The following NDUFB6 variants were observed in gnomAD, a reference collection of about 807,000 sequenced individuals.
NDUFB6 encodes NADH:ubiquinone oxidoreductase subunit B6, also known as NADH dehydrogenase [ubiquinone] 1 beta subcomplex subunit 6.
In NDUFB6, 23 loss-of-function variants were observed where a neutral mutation model predicts 17.5. The observed-to-expected ratio is 1.31, with a 90% CI of 0.94 to 1.86. NDUFB6 has a LOEUF of 1.86. Among genes scored for constraint, NDUFB6 ranks in the 40% most tolerant of loss-of-function variants. The pLI is 0.00. For synonymous variants in NDUFB6, 60 were observed against 53.5 expected (o/e 1.12, Z -0.53); for missense variants, 167 against 153.8 (o/e 1.09, Z -0.46).
At chr9:32,562,596 AAAT>A (rs1821657149) in intron 2 of NDUFB6, among the ~76,000 whole-genome samples, 1 of 152,220 alleles carries the variant, frequency 6.6e-6, no homozygotes. Context: ...GCAAGAATGA[AAAT>A]AATTTTTTCC....
chr9:32,553,507 C>A lies in NDUFB6; in HGVS notation c.*369G>T, dbSNP rs185926174. ...CCTGGCCGGAAAGATTTCCTTAAAACAAAAGTGCATGGAATTGCTGTTCTT... is the reference window on the plus strand; with the variant it reads ...CCTGGCCGGAAAGATTTCCTTAAAAAAAAAGTGCATGGAATTGCTGTTCTT... On this transcript the variant is annotated 3_prime_UTR_variant, in exon 4 of 4. Coordinates refer to ENST00000379847, the MANE Select transcript of NDUFB6 (RefSeq NM_002493.5). 4.4e-3 allele frequency: 917 copies of A among 206,166 alleles called. 3 individuals carry two copies. The highest frequency in any genetic ancestry group is 0.019 in the African/African-American group (809 of 42,148). The allele number at this position is 206,166 out of a possible 1,614,324, so 12.8% of individuals were successfully genotyped here.
In NDUFB6 at chr9:32,560,409, GTAGTTAAATT is replaced by G. The variant is rs1425441976; in HGVS notation, c.274-1465_274-1456del. ...AATGTCTTTTCGATCCCAGAAAAAT[GTAGTTAAATT>G]TAGATATGATAAAGTAAGTTAAACC... is the stretch of plus-strand genomic sequence containing the variant. On this transcript the variant is annotated intron_variant, in intron 2 of 3. Coordinates refer to ENST00000379847, the MANE Select transcript of NDUFB6 (RefSeq NM_002493.5). Among the ~76,000 whole-genome samples the G allele has an allele frequency of 3.3e-5, 5 of 152,270 alleles. No individual in the cohort carries two copies. The East Asian group carries it at 9.6e-4, about 29-fold the overall frequency.
At chr9:32,566,416 C>T in intron 2 of NDUFB6, 2 of 876,164 alleles carry the variant, frequency 2.3e-6, no homozygotes, top group Middle Eastern at 2.2e-4. Context: ...GAGGAGCCTG[C>T]TCTCCCTGTT....
chr9:32,566,682 C>G, intron 2 of NDUFB6: 1 of 821,356 alleles, frequency 1.2e-6, no homozygotes, highest in South Asian at 1.3e-5. Flanking sequence ...CCGGCTTTCA[C>G]AGCTGTATCT....
chr9:32,563,396 C>G (rs982839369), intron 2 of NDUFB6, among the ~76,000 whole-genome samples: 5 of 150,746 alleles, frequency 3.3e-5, no homozygotes, highest in African/African-American at 1.2e-4. Context: ...GGCTGGAGTA[C>G]AGTGGGCAGC....
intron 2 of NDUFB6, among the ~76,000 whole-genome samples, chr9:32,569,385 A>T (rs1411343930): frequency 6.6e-6 from 1 of 151,366 alleles, no homozygotes; most frequent in Non-Finnish European, 1.5e-5. Context: ...TGCCCAGCTC[A>T]TTTTTTTTAT....
intron 3 of NDUFB6, among the ~76,000 whole-genome samples, chr9:32,554,514 A>C (rs1207951761): frequency 6.6e-6 from 1 of 152,210 alleles, no homozygotes; most frequent in Non-Finnish European, 1.5e-5. Flanking sequence ...GTTTTAAGAC[A>C]GATTATTCAA....
At chr9:32,562,841 T>A (rs1391725251) in intron 2 of NDUFB6, among the ~76,000 whole-genome samples, 1 of 152,238 alleles carries the variant, frequency 6.6e-6, no homozygotes, top group Non-Finnish European at 1.5e-5. Flanking sequence ...CTCCATTGAC[T>A]GTGCAGGCTC....
At chr9:32,557,607 G>T (rs1821503149) in intron 3 of NDUFB6, among the ~76,000 whole-genome samples, 1 of 151,598 alleles carries the variant, frequency 6.6e-6, no homozygotes. Flanking sequence ...AGCATCCTCA[G>T]TAGCTGGGAT....
chr9:32,559,213 C>A (rs969461534), intron 2 of NDUFB6, among the ~76,000 whole-genome samples: 2 of 152,128 alleles, frequency 1.3e-5, no homozygotes, highest in East Asian at 3.9e-4. Flanking sequence ...CACTCTTATT[C>A]CCCCAGTTAT....
At chr9:32,559,068 G>A (rs1482267462) in intron 2 of NDUFB6, 114 bp from the exon 3 acceptor site, 2 of 628,172 alleles carry the variant, frequency 3.2e-6, no homozygotes, top group African/African-American at 3.7e-5. Context: ...CAGAACTCCA[G>A]ATTCACATAT....
At chr9:32,557,640 C>T (rs747927655) in intron 3 of NDUFB6, among the ~76,000 whole-genome samples, 2 of 150,666 alleles carry the variant, frequency 1.3e-5, no homozygotes, top group African/African-American at 2.4e-5. Flanking sequence ...CCACCACGCA[C>T]GGTAATTTTT....
intron 3 of NDUFB6, among the ~76,000 whole-genome samples, chr9:32,558,079 T>A (rs1382850123): frequency 1.3e-5 from 2 of 152,072 alleles, no homozygotes; most frequent in Non-Finnish European, 2.9e-5. Flanking sequence ...AATAACTCAT[T>A]TCAAATTAGT....
rs572511828 is a variant in NDUFB6 at position 32,560,027 on chromosome 9, G to C, written c.274-1073C>G. On this transcript the variant is annotated intron_variant, in intron 2 of 3. Transcript: ENST00000379847. ...TGAGGCATAGAGAACTGGAACATGA[G>C]AGAAACTCAGAATACAATGTGAGCA... Among the ~76,000 whole-genome samples the C allele has an allele frequency of 7.9e-5, 12 of 152,316 alleles. No individual in the cohort carries two copies. In the East Asian group the frequency reaches 2.1e-3, roughly 27 times the overall value.
intron 2 of NDUFB6, among the ~76,000 whole-genome samples, chr9:32,568,995 T>C (rs1587651562): frequency 6.6e-6 from 1 of 151,320 alleles, no homozygotes; most frequent in African/African-American, 2.4e-5. Flanking sequence ...GTGATCCACC[T>C]GCCTTGGCCT....
chr9:32,560,769 AT>A, intron 2 of NDUFB6, among the ~76,000 whole-genome samples: 1 of 152,380 alleles, frequency 6.6e-6, no homozygotes, highest in Middle Eastern at 3.4e-3. Context: ...TTCAACTTCA[AT>A]TAATCCAAAG....
intron 2 of NDUFB6, among the ~76,000 whole-genome samples, chr9:32,562,872 C>A (rs557096791): frequency 6.6e-6 from 1 of 152,304 alleles, no homozygotes; most frequent in East Asian, 1.9e-4. Flanking sequence ...TGACTGCCAA[C>A]ACCGTCACTG....
chr9:32,561,458 G>C (rs549827302), intron 2 of NDUFB6, among the ~76,000 whole-genome samples: 2 of 152,020 alleles, frequency 1.3e-5, no homozygotes, highest in Non-Finnish European at 2.9e-5. Context: ...CTTCTGAGTA[G>C]CTGGGATTAC....
chr9:32,558,273 A>G (rs961690452), intron 3 of NDUFB6, among the ~76,000 whole-genome samples: 64 of 152,054 alleles, frequency 4.2e-4, no homozygotes, highest in African/African-American at 1.5e-3. Context: ...CACCACGCCC[A>G]GCTAATTTTT....
Sources: allele counts gnomAD v4.1 joint callset (sites outside exome capture counted in the v4.1 genomes callset), GRCh38; gene constraint gnomAD v4.1.1; transcripts MANE v1.5; gene names NCBI Gene and HGNC (gene_info 2026-07-23, HGNC 2026-07-21).